CAMSAP1: variants seen among roughly 807,000 people sequenced by gnomAD.
CAMSAP1 encodes the protein calmodulin regulated spectrin associated protein 1.
A neutral mutation model predicts 143.5 loss-of-function variants in CAMSAP1; 58 were observed. The observed-to-expected ratio is 0.40, with a 90% confidence interval of 0.33 to 0.50. The LOEUF is 0.50. Ranked by LOEUF, CAMSAP1 falls within the 20% of genes least tolerant of loss-of-function variation. The pLI, the probability that CAMSAP1 is intolerant of heterozygous loss-of-function variation, is 0.45. For missense variants in CAMSAP1, 1,969 were observed against 2,115.7 expected, an observed-to-expected ratio of 0.93 and a Z score of 1.36; for synonymous variants, 945 against 859.3, an observed-to-expected ratio of 1.10 and a Z score of -1.74.
At chr9:135,891,016 TGAA>T (rs1838274096) in intron 1 of CAMSAP1, among the ~76,000 whole-genome samples, 1 of 152,164 alleles carries the variant, frequency 6.6e-6, no homozygotes, top group Non-Finnish European at 1.5e-5. Flanking sequence ...GGGTCCATCC[TGAA>T]GAAGGAACCC....
chr9:135,851,106 C>G (rs947275356), intron 5 of CAMSAP1, among the ~76,000 whole-genome samples: 4 of 152,206 alleles, frequency 2.6e-5, no homozygotes, highest in Admixed American at 2.6e-4. Flanking sequence ...AAGAGCAGGC[C>G]TCCCCCTAGT....
intron 8 of CAMSAP1, among the ~76,000 whole-genome samples, 193 bp from the exon 9 acceptor site, chr9:135,825,073 A>G (rs964186895): frequency 3.3e-5 from 5 of 152,196 alleles, no homozygotes; most frequent in African/African-American, 1.2e-4. Flanking sequence ...ACATCCACAC[A>G]CTGCAAACGG....
intron 16 of CAMSAP1, among the ~76,000 whole-genome samples, chr9:135,813,697 T>C (rs949084285): frequency 6.6e-6 from 1 of 152,200 alleles, no homozygotes; most frequent in African/African-American, 2.4e-5. Flanking sequence ...TCTGCAGAGC[T>C]CGCTCCCAGT....
chr9:135,832,096 G>T (rs1835878446), intron 7 of CAMSAP1, among the ~76,000 whole-genome samples: 1 of 152,082 alleles, frequency 6.6e-6, no homozygotes, highest in Non-Finnish European at 1.5e-5. Flanking sequence ...TGATACCAAA[G>T]GCAGACATAG....
rs770503509 is a variant in CAMSAP1 at position 135,822,128 on chromosome 9, A to C, written c.2533T>G (p.Ser845Ala). The C allele has an allele frequency of 1.9e-6, 3 of 1,612,662 alleles. No homozygotes were observed. Among genetic ancestry groups the C allele is most frequent in the South Asian group, 2.2e-5 (2 of 91,078 alleles). ...SSSQKTTPDA[S>A]ESCPAPLTTW... is the part of the protein sequence containing the mutation. ...GTCAGAGGGGCTGGGCAGCTCTCAG[A>C]CGCATCTGGCGTGGTCTTCTGGGAG... Residue 845 changes from serine (S) to alanine (A), a missense_variant, in exon 11 of 17, where the codon TCT (serine) becomes GCT (alanine). By Grantham distance (99) the Ser-to-Ala change is moderately conservative. Transcript: ENST00000389532. This position sits in a 1 kb window ranked among gnomAD's most constrained non-coding sequence, Gnocchi z 6.1.
intron 1 of CAMSAP1, among the ~76,000 whole-genome samples, chr9:135,890,220 CACAT>C (rs1343195750): frequency 2.6e-5 from 4 of 152,124 alleles, no homozygotes; most frequent in African/African-American, 9.7e-5. Flanking sequence ...ATGCTCCACA[CACAT>C]ACAGCTCACA....
rs902646537 is a variant in CAMSAP1 at position 135,809,192 on chromosome 9, T to A, written c.*2117A>T. The A allele has an allele frequency of 6.6e-6, 1 of 152,238 alleles. No homozygotes were observed. The highest frequency in any genetic ancestry group is 1.5e-5 in the Non-Finnish European group (1 of 68,042). 9.4% of individuals were successfully genotyped at this position (152,238 alleles called of 1,614,324 possible). ...TTTCAAGACTAATTAAAAGGGTTGC[T>A]GTGTCCAAGCATGAAGAACGCAGGG... On this transcript the variant is annotated 3_prime_UTR_variant, in exon 17 of 17. Coordinates refer to ENST00000389532, the MANE Select transcript of CAMSAP1 (RefSeq NM_015447.4).
chr9:135,890,226 C>G (rs1838247960), intron 1 of CAMSAP1, among the ~76,000 whole-genome samples: 1 of 152,146 alleles, frequency 6.6e-6, no homozygotes, highest in Non-Finnish European at 1.5e-5. Context: ...CACACACATA[C>G]AGCTCACACC....
intron 3 of CAMSAP1, among the ~76,000 whole-genome samples, chr9:135,880,960 A>G (rs902674349): frequency 6.6e-6 from 1 of 152,026 alleles, no homozygotes; most frequent in South Asian, 2.1e-4. Context: ...GGAAAATGCC[A>G]TTTTTTTTCC....
chr9:135,846,738 T>C (rs560652400), intron 7 of CAMSAP1, among the ~76,000 whole-genome samples: 1 of 148,386 alleles, frequency 6.7e-6, no homozygotes, highest in South Asian at 2.1e-4. Flanking sequence ...ATGGACGCAC[T>C]TCTCAAAAGA....
At chr9:135,871,194 A>C (rs935865348) in intron 3 of CAMSAP1, among the ~76,000 whole-genome samples, 1 of 152,052 alleles carries the variant, frequency 6.6e-6, no homozygotes, top group African/African-American at 2.4e-5. Flanking sequence ...TTCCTTATTT[A>C]TTTCTTTATT....
intron 5 of CAMSAP1, among the ~76,000 whole-genome samples, chr9:135,855,748 TAAAAAAA>T (rs34874470): frequency 2.4e-5 from 2 of 84,734 alleles, no homozygotes; most frequent in Non-Finnish European, 4.7e-5. Context: ...CATCTCAATT[TAAAAAAA>T]AAAAAAAAAA....
chr9:135,870,342 T>C (rs1837528814), intron 3 of CAMSAP1, among the ~76,000 whole-genome samples: 1 of 152,186 alleles, frequency 6.6e-6, no homozygotes, highest in African/African-American at 2.4e-5. Context: ...AAGACGTGCC[T>C]CTTCCCCTTC....
At chr9:135,895,271 G>A (rs749651792) in intron 1 of CAMSAP1, among the ~76,000 whole-genome samples, 10 of 152,276 alleles carry the variant, frequency 6.6e-5, no homozygotes, top group Non-Finnish European at 8.8e-5. Flanking sequence ...TAAACCTAAC[G>A]AAATCCACAC....
chr9:135,887,316 A>G (rs1006805202), intron 1 of CAMSAP1, among the ~76,000 whole-genome samples: 5 of 152,206 alleles, frequency 3.3e-5, no homozygotes, highest in African/African-American at 1.2e-4. Context: ...AGAAGGATGC[A>G]TGCATGAAGA....
At chr9:135,812,900 G>C (rs1482421369) in intron 16 of CAMSAP1, among the ~76,000 whole-genome samples, 3 of 151,466 alleles carry the variant, frequency 2.0e-5, no homozygotes, top group Non-Finnish European at 2.9e-5. Flanking sequence ...AGGTTGCAGT[G>C]AGCTGAGATT....
rs767616475 is a variant in CAMSAP1 at position 135,821,291 on chromosome 9, T to A, written c.3370A>T (p.Thr1124Ser). ...PQGSSRSKTP[T>S]PSVETLPHLR... ...TGCGGGAGCGTCTCTACACTGGGCGTTGGGGTTTTACTTCGGGAGGAGCCC... is the reference window on the plus strand; with the variant it reads ...TGCGGGAGCGTCTCTACACTGGGCGATGGGGTTTTACTTCGGGAGGAGCCC... The change falls in exon 11 of 17, where the codon ACG (threonine) becomes TCG (serine). Residue 1124 changes from threonine to serine, a missense_variant. Physicochemically the swap from Thr to Ser is moderately conservative, Grantham distance 58. Coordinates refer to ENST00000389532, the MANE Select transcript of CAMSAP1 (RefSeq NM_015447.4). This position sits in a 1 kb window ranked among gnomAD's most constrained non-coding sequence, Gnocchi z 4.6. The A allele has an allele frequency of 6.2e-7, 1 of 1,611,576 alleles. No individual in the cohort carries two copies. Among genetic ancestry groups the A allele is most frequent in the African/African-American group, 1.3e-5 (1 of 75,008 alleles).
intron 1 of CAMSAP1, among the ~76,000 whole-genome samples, chr9:135,893,455 G>A (rs1053417944): frequency 2.0e-5 from 3 of 152,142 alleles, no homozygotes; most frequent in Non-Finnish European, 1.5e-5. Context: ...AAGAAAGGTT[G>A]TAGAACAGAA....
rs548618026 is a variant in CAMSAP1, at chr9:135,875,111, G to A, written c.585+6522C>T. On this transcript the variant is annotated intron_variant, in intron 3 of 16. Transcript: ENST00000389532. ...CTCCCGAAATTCATCTAGCTTCAAT[G>A]CATTCCCAATCAAAATCCCAGCAAG... 3.9e-5 allele frequency among the ~76,000 whole-genome samples: 6 copies of A among 152,202 alleles called. No individual in the cohort carries two copies. In the South Asian group the frequency reaches 1.2e-3, roughly 32 times the overall value.
Sources: gnomAD v4.1 joint callset for allele counts (sites outside exome capture counted in the v4.1 genomes callset) on GRCh38, gnomAD v4.1.1 for gene constraint, Gnocchi (gnomAD v3.1) non-coding constraint, MANE v1.5 for transcripts, NCBI Gene and HGNC (gene_info 2026-07-23, HGNC 2026-07-21) for gene names.